Variants in THRA observed in about 807,000 individuals in gnomAD.
THRA encodes the protein thyroid hormone receptor alpha, also known as EAR-7.
In THRA, 13 loss-of-function variants were observed where a neutral mutation model predicts 45.0. The observed-to-expected ratio is 0.29, with a 90% CI of 0.19 to 0.46. THRA has a LOEUF of 0.46. Ranked by LOEUF, THRA falls within the 20% of genes least tolerant of loss-of-function variation. The pLI, the probability that THRA is intolerant of heterozygous loss-of-function variation, is 1.00. For synonymous variants in THRA, 195 were observed against 214.0 expected (o/e 0.91, Z 0.78); for missense variants, 278 against 556.1 (o/e 0.50, Z 5.03).
At chr17:40,082,849 C>T (rs1423245289) in intron 4 of THRA, among the ~76,000 whole-genome samples, 1 of 147,342 alleles carries the variant, frequency 6.8e-6, no homozygotes, top group African/African-American at 2.5e-5. Flanking sequence ...TCACTGCAAC[C>T]TCTGTGTCCT....
chr17:40,064,175 T>C (rs1410195087), intron 1 of THRA, among the ~76,000 whole-genome samples: 2 of 152,072 alleles, frequency 1.3e-5, no homozygotes, highest in East Asian at 1.9e-4. Flanking sequence ...TGCTGCACCG[T>C]GGAGCTCTGA....
At chr17:40,073,593 G>A (rs769671319) in intron 1 of THRA, among the ~76,000 whole-genome samples, 2 of 152,166 alleles carry the variant, frequency 1.3e-5, no homozygotes, top group Non-Finnish European at 2.9e-5. Flanking sequence ...AGTGGGATTC[G>A]AGACCTTGCG....
At position 40,089,626 on chromosome 17, in the gene THRA, C is replaced by T; in HGVS notation, c.*170C>T. On this transcript the variant is annotated 3_prime_UTR_variant, in exon 9 of 9. Transcript: ENST00000450525. The surrounding 1 kb of genome is among the most constrained non-coding windows in gnomAD (Gnocchi z 6.1). ...CGCACTGCCCAGGTCCCTCCTCAGACCTCCAGCCCTGGGACAGGGCAAACA... is the reference window on the plus strand; with the variant it reads ...CGCACTGCCCAGGTCCCTCCTCAGATCTCCAGCCCTGGGACAGGGCAAACA... The T allele has an allele frequency of 7.0e-7, 1 of 1,434,390 alleles. No homozygotes were observed. Among genetic ancestry groups the T allele is most frequent in the South Asian group, 1.5e-5 (1 of 67,162 alleles). The allele number at this position is 1,434,390 out of a possible 1,614,324, so 88.9% of individuals were successfully genotyped here.
At chr17:40,065,972 C>G (rs1464678808) in intron 1 of THRA, among the ~76,000 whole-genome samples, 1 of 152,220 alleles carries the variant, frequency 6.6e-6, no homozygotes, top group African/African-American at 2.4e-5. Context: ...CAGGACCCTG[C>G]TGAGTTGGGT....
chr17:40,084,092 A>T lies in THRA; in HGVS notation c.370+110A>T, dbSNP rs906369657. ...CTCAGAGCCCACAGGGCAGAGTGGC[A>T]ATCCAGTCTAGGTCAGAATGTTCAG... On this transcript the variant is annotated intron_variant, in intron 5 of 8. Transcript: ENST00000450525. The T allele has an allele frequency of 3.9e-6, 5 of 1,290,910 alleles. No homozygotes were observed. The African/African-American group carries it at 6.0e-5, about 15-fold the overall frequency. 80.0% of individuals were successfully genotyped at this position (1,290,910 alleles called of 1,614,324 possible).
intron 2 of THRA, among the ~76,000 whole-genome samples, chr17:40,076,333 G>C (rs547172515): frequency 1.3e-5 from 2 of 152,310 alleles, no homozygotes; most frequent in East Asian, 3.9e-4. Context: ...TGAGGTGCCT[G>C]TGCAGAGTGT....
At chr17:40,069,161 CTCTCCCTCCT>C (rs1235542622) in intron 1 of THRA, among the ~76,000 whole-genome samples, 2 of 142,908 alleles carry the variant, frequency 1.4e-5, no homozygotes, top group African/African-American at 5.2e-5. Flanking sequence ...CCCTCTCTGT[CTCTCCCTCCT>C]TCTCTCCCTC....
intron 2 of THRA, 45 bp downstream of exon 2, chr17:40,074,586 G>C (rs764871272): frequency 8.1e-6 from 13 of 1,609,068 alleles, no homozygotes; most frequent in African/African-American, 2.7e-5. Flanking sequence ...TAAGCAGCAG[G>C]CATGGGCACC....
rs577276332 is a variant in THRA, at chr17:40,089,328, A to T, written c.1105A>T (p.Met369Leu). 2.5e-6 allele frequency: 4 copies of T among 1,614,090 alleles called. No individual in the cohort carries two copies. Among genetic ancestry groups the T allele is most frequent in the African/African-American group, 2.7e-5 (2 of 75,008 alleles). The change falls in exon 9 of 9, where the codon ATG becomes TTG. Residue 369 changes from methionine to leucine, a missense_variant. By Grantham distance (15) the Met-to-Leu change is conservative. Around this residue, in one of 6 missense-constraint regions of THRA, gnomAD observed 66 missense variants for 94.7 expected, o/e 0.70. Transcript: ENST00000450525. The surrounding 1 kb of genome is among the most constrained non-coding windows in gnomAD (Gnocchi z 6.1). ...NIPHFWPKLL[M>L]KVTDLRMIGA... is the part of the protein sequence containing the mutation. ...TCCGCACTTCTGGCCCAAGCTGCTG[A>T]TGAAGGTGACTGACCTCCGCATGAT...
intron 1 of THRA, among the ~76,000 whole-genome samples, chr17:40,071,100 A>C: frequency 2.9e-5 from 4 of 139,490 alleles, no homozygotes; most frequent in African/African-American, 5.4e-5. Context: ...CAGCCTTTTT[A>C]CCCCTCCTCC....
chr17:40,086,012 T>C (rs1987309829), intron 6 of THRA, among the ~76,000 whole-genome samples: 1 of 152,172 alleles, frequency 6.6e-6, no homozygotes, highest in African/African-American at 2.4e-5. Context: ...CTCGGGAGGC[T>C]GAGGCAGGAG....
intron 1 of THRA, among the ~76,000 whole-genome samples, chr17:40,072,356 G>A (rs1346797838): frequency 2.0e-5 from 3 of 152,114 alleles, no homozygotes; most frequent in African/African-American, 7.2e-5. Flanking sequence ...CCTGCTCCCC[G>A]GGGCTGCCCC....
At chr17:40,071,471 T>A (rs185395129) in intron 1 of THRA, among the ~76,000 whole-genome samples, 1 of 152,286 alleles carries the variant, frequency 6.6e-6, no homozygotes, top group African/African-American at 2.4e-5. Flanking sequence ...TGCTTCCCCC[T>A]CCACGGGCAC....
In THRA at chr17:40,092,973, C is replaced by A; in HGVS notation, c.*3517C>A. On this transcript the variant is annotated 3_prime_UTR_variant, in exon 9 of 9. Transcript: ENST00000450525. Reference sequence around the variant, plus strand: ...AGGCTCATCTTGGAATATTTTATAACAATATAAATAAGATTCTGGTTTGCT... The same window carrying A: ...AGGCTCATCTTGGAATATTTTATAAAAATATAAATAAGATTCTGGTTTGCT... 6.3e-7 allele frequency: 1 copy of A among 1,585,844 alleles called. No homozygotes were observed. The highest frequency in any genetic ancestry group is 1.1e-5 in the South Asian group (1 of 88,944).
rs1207868423 is a variant in THRA, at chr17:40,089,145, C to T, written c.983-61C>T. The T allele has an allele frequency of 3.2e-6, 5 of 1,544,146 alleles. No individual in the cohort carries two copies. Among genetic ancestry groups the T allele is most frequent in the Non-Finnish European group, 4.4e-6 (5 of 1,126,712 alleles). On this transcript the variant is annotated intron_variant, in intron 8 of 8. Transcript: ENST00000450525. The surrounding 1 kb of genome is among the most constrained non-coding windows in gnomAD (Gnocchi z 6.1). Reference sequence around the variant, plus strand: ...TTTCTTCCCACGTCCCCACACCTCACCCTCCCCATCTCCAGGCCTTCGGCC... The same window carrying T: ...TTTCTTCCCACGTCCCCACACCTCATCCTCCCCATCTCCAGGCCTTCGGCC...
chr17:40,088,984 T>A (rs890909630), intron 8 of THRA, among the ~76,000 whole-genome samples: 1 of 21,442 alleles, frequency 4.7e-5, no homozygotes, highest in Admixed American at 4.5e-4. Context: ...CATTGCCCCC[T>A]CCCCCCAGTA....
Position 40,092,815 on chromosome 17 carries a change from G to GAGAC in THRA, c.*3362_*3365dup, listed in dbSNP as rs1987632530. On this transcript the variant is annotated 3_prime_UTR_variant, in exon 9 of 9. Transcript: ENST00000450525. ...AGCTCAGCTGTGAACTATTGGATTT[G>GAGAC]AGACAGGAACAGAACAAATCAGAGG... 1.4e-6 allele frequency: 1 copy of GAGAC among 701,444 alleles called. No homozygotes were observed. Among genetic ancestry groups the GAGAC allele is most frequent in the Non-Finnish European group, 2.2e-6 (1 of 454,532 alleles). 43.5% of individuals were successfully genotyped at this position (701,444 alleles called of 1,614,324 possible). A position where few individuals can be genotyped will look rare whatever the true frequency, so the allele number is the denominator to read the frequency against.
chr17:40,093,690 T>A (rs1192135338), downstream of THRA: 1 of 632,386 alleles, frequency 1.6e-6, no homozygotes, highest in African/African-American at 1.8e-5. The surrounding 1 kb of genome is among the most constrained non-coding windows in gnomAD (Gnocchi z 5.9). Context: ...GCAGAAATAG[T>A]TGTCTGTGCT....
At chr17:40,066,854 C>T (rs946987274) in intron 1 of THRA, among the ~76,000 whole-genome samples, 1 of 152,184 alleles carries the variant, frequency 6.6e-6, no homozygotes, top group African/African-American at 2.4e-5. Flanking sequence ...AGCGATTTAA[C>T]TTCCCCGTTG....
Sources: allele counts gnomAD v4.1 joint callset (sites outside exome capture counted in the v4.1 genomes callset), GRCh38; gene constraint gnomAD v4.1.1; regional missense constraint gnomAD v4.1.1; non-coding constraint Gnocchi (gnomAD v3.1); transcripts MANE v1.5; gene names NCBI Gene and HGNC (gene_info 2026-07-23, HGNC 2026-07-21).